Variants in DCC observed in about 807,000 individuals in gnomAD.
DCC encodes DCC netrin 1 receptor, also known as netrin receptor DCC.
Under a neutral mutation model 172.5 loss-of-function variants are expected in DCC, and 58 were observed. That is an observed-to-expected ratio of 0.34 (90% CI 0.27 to 0.42). The LOEUF is 0.42. Among genes scored for constraint, DCC ranks in the 10% least tolerant of loss-of-function variants. The probability of loss-of-function intolerance (pLI) is 1.00; values close to 1 mark genes in which losing one functional copy is unlikely to be tolerated. For synonymous variants in DCC, 709 were observed against 644.5 expected, an observed-to-expected ratio of 1.10 and a Z score of -1.52; for missense variants, 1,740 against 1,791.0, an observed-to-expected ratio of 0.97 and a Z score of 0.51.
chr18:53,106,230 C>A (rs938487164), intron 7 of DCC, among the ~76,000 whole-genome samples: 1 of 151,890 alleles, frequency 6.6e-6, no homozygotes, highest in Non-Finnish European at 1.5e-5. Flanking sequence ...AACCTAGATT[C>A]TTAGCTAAGG....
At chr18:53,372,125 G>A (rs553483974) in intron 15 of DCC, among the ~76,000 whole-genome samples, 1 of 152,192 alleles carries the variant, frequency 6.6e-6, no homozygotes, top group African/African-American at 2.4e-5. Context: ...TATACACAAA[G>A]AAATATAAAT....
intron 2 of DCC, among the ~76,000 whole-genome samples, chr18:52,807,066 G>A (rs1010802258): frequency 8.5e-5 from 13 of 152,254 alleles, no homozygotes; most frequent in African/African-American, 2.4e-4. Flanking sequence ...TTGGTGGCGC[G>A]TGCCTGTAGT....
intron 7 of DCC, among the ~76,000 whole-genome samples, chr18:53,085,297 G>T (rs1400330410): frequency 6.6e-6 from 1 of 152,080 alleles, no homozygotes; most frequent in Non-Finnish European, 1.5e-5. Flanking sequence ...GAAGAAAAAT[G>T]TATGCAAGAA....
intron 1 of DCC, among the ~76,000 whole-genome samples, chr18:52,615,622 T>C (rs1476072201): frequency 6.6e-6 from 1 of 152,224 alleles, no homozygotes; most frequent in East Asian, 1.9e-4. Context: ...CTGCTGTTCC[T>C]CAGCTGCAAA....
intron 2 of DCC, among the ~76,000 whole-genome samples, chr18:52,820,002 G>A (rs1373511521): frequency 6.6e-6 from 1 of 152,134 alleles, no homozygotes; most frequent in African/African-American, 2.4e-5. Context: ...TTACAGGCGT[G>A]AGCCACCACG....
intron 7 of DCC, among the ~76,000 whole-genome samples, chr18:53,138,697 A>G (rs370887982): frequency 2.0e-5 from 3 of 152,270 alleles, no homozygotes; most frequent in South Asian, 2.1e-4. Context: ...AGAATTTACA[A>G]TTTTGTCGTT....
intron 5 of DCC, among the ~76,000 whole-genome samples, chr18:52,984,647 C>T (rs899702247): frequency 1.3e-5 from 2 of 152,060 alleles, no homozygotes; most frequent in African/African-American, 4.8e-5. Flanking sequence ...TACATTCATA[C>T]ATGCTCTTTG....
chr18:53,467,827 G>A (rs575236991), intron 24 of DCC, 67 bp from the exon 25 acceptor site: 5 of 845,966 alleles, frequency 5.9e-6, no homozygotes, highest in African/African-American at 3.3e-5. Flanking sequence ...TGGAATGCCT[G>A]CTAGAAATTA....
chr18:53,218,698 G>A (rs2055888618), intron 12 of DCC, among the ~76,000 whole-genome samples: 1 of 152,058 alleles, frequency 6.6e-6, no homozygotes, highest in Admixed American at 6.6e-5. Context: ...ACAAGAAATA[G>A]TATCTTTTCC....
chr18:52,682,737 C>G (rs2035769911), intron 1 of DCC, among the ~76,000 whole-genome samples: 1 of 151,742 alleles, frequency 6.6e-6, no homozygotes, highest in Admixed American at 6.6e-5. Flanking sequence ...ACAAAACAGA[C>G]AGAGTGAGGT....
intron 2 of DCC, among the ~76,000 whole-genome samples, chr18:52,835,185 C>T (rs757277567): frequency 1.8e-4 from 28 of 152,072 alleles, no homozygotes; most frequent in Non-Finnish European, 2.9e-4. Flanking sequence ...CACAATGCCA[C>T]GTATGGCCAT....
intron 1 of DCC, 80 bp downstream of exon 1, chr18:52,340,958 G>A: frequency 9.0e-7 from 1 of 1,112,250 alleles, no homozygotes; most frequent in Non-Finnish European, 1.4e-6. Flanking sequence ...GCGAGTAGTA[G>A]AATTGGGGTG....
intron 14 of DCC, among the ~76,000 whole-genome samples, chr18:53,335,111 G>C (rs550601278): frequency 6.6e-6 from 1 of 152,130 alleles, no homozygotes; most frequent in South Asian, 2.1e-4. Flanking sequence ...TTCCAGATGT[G>C]ATGATCCTCT....
intron 12 of DCC, among the ~76,000 whole-genome samples, chr18:53,226,239 A>G (rs1048162705): frequency 6.6e-6 from 1 of 152,198 alleles, no homozygotes; most frequent in Non-Finnish European, 1.5e-5. Context: ...CAAGTGGCTT[A>G]GGTTCTCAGT....
intron 1 of DCC, among the ~76,000 whole-genome samples, chr18:52,693,675 G>A (rs2035966800): frequency 6.6e-6 from 1 of 151,872 alleles, no homozygotes. Flanking sequence ...GTTAGAGAAA[G>A]TATGAGATGA....
At chr18:52,739,724 C>T (rs1339281148) in intron 1 of DCC, among the ~76,000 whole-genome samples, 1 of 152,190 alleles carries the variant, frequency 6.6e-6, no homozygotes, top group East Asian at 1.9e-4. Context: ...ATGTCAGAGG[C>T]CATGTGAATG....
intron 5 of DCC, among the ~76,000 whole-genome samples, chr18:53,031,432 G>A (rs2042023975): frequency 6.6e-6 from 1 of 152,102 alleles, no homozygotes; most frequent in Admixed American, 6.6e-5. Flanking sequence ...GAAGTTGGAA[G>A]TTGCTAAAAG....
rs776683886 is a variant in DCC, at chr18:52,923,840, G to A, written c.831G>A (p.Glu277=). The change falls in exon 4 of 29, where the codon GAG becomes GAA. Residue 277 remains glutamate, a synonymous_variant. Transcript: ENST00000442544. The part of the protein sequence containing the change: ...PPPSFTWLRG[E]EVIQLRSKKY... The stretch of plus-strand genomic sequence containing the variant: ...CAAGTTTTACCTGGTTACGAGGCGA[G>A]GAAGTCATCCAACTCAGGTATTTCA... 4 of 1,613,236 alleles carry A rather than the reference G, an allele frequency of 2.5e-6. No individual in the cohort carries two copies. The East Asian group carries it at 6.7e-5, about 27-fold the overall frequency.
chr18:52,904,506 C>G (rs1462390903), intron 2 of DCC, among the ~76,000 whole-genome samples: 1 of 152,068 alleles, frequency 6.6e-6, no homozygotes, highest in African/African-American at 2.4e-5. Flanking sequence ...CCCTTTTGGC[C>G]ACAGCAAAAT....
Sources: allele counts gnomAD v4.1 joint callset (sites outside exome capture counted in the v4.1 genomes callset), GRCh38; gene constraint gnomAD v4.1.1; transcripts MANE v1.5; gene names NCBI Gene and HGNC (gene_info 2026-07-23, HGNC 2026-07-21).